PLEKHG5: variants seen among roughly 807,000 people sequenced by gnomAD.
PLEKHG5 encodes the protein pleckstrin homology and RhoGEF domain containing G5.
Under a neutral mutation model 103.8 loss-of-function variants are expected in PLEKHG5, and 52 were observed. The observed-to-expected ratio is 0.50, with a 90% CI of 0.40 to 0.63. The LOEUF (loss-of-function observed/expected upper bound fraction) is 0.63, where lower values mean the gene tolerates loss of function less well. Ranked by LOEUF, PLEKHG5 falls within the 30% of genes least tolerant of loss-of-function variation. PLEKHG5 has a pLI of 0.00. For missense variants in PLEKHG5, 1,205 were observed against 1,347.6 expected (o/e 0.89, Z 1.66); for synonymous variants, 592 against 575.5 (o/e 1.03, Z -0.41).
intron 1 of PLEKHG5, among the ~76,000 whole-genome samples, chr1:6,512,115 G>C (rs3935435): frequency 1.3e-5 from 2 of 152,020 alleles, no homozygotes; most frequent in Non-Finnish European, 2.9e-5. Context: ...CCATCACCCC[G>C]TTTTACAGAG....
chr1:6,471,538 G>A lies in PLEKHG5; in HGVS notation c.1231C>T (p.Arg411Cys), dbSNP rs1271841187. 2 of 1,609,098 alleles carry A rather than the reference G, an allele frequency of 1.2e-6. No individual in the cohort carries two copies. Among genetic ancestry groups the A allele is most frequent in the East Asian group, 2.2e-5 (1 of 44,748 alleles). Residue 411 changes from arginine to cysteine, a missense_variant, in exon 12 of 21, where the codon CGC becomes TGC. Coordinates refer to ENST00000377728, the MANE Select transcript of PLEKHG5 (RefSeq NM_020631.6). ...CCGGGCTGTAGCAGCGCTCGCGTGC[G>A]CCGCGCCTTCTCCAGCACCGGCGCC... ...VMAPVLEKARRTRALLQPGDF... is the reference protein window; with the variant it reads ...VMAPVLEKARCTRALLQPGDF...
upstream of PLEKHG5, chr1:6,497,345 G>A: frequency 1.9e-6 from 2 of 1,037,654 alleles, no homozygotes; most frequent in Non-Finnish European, 2.4e-6. This position sits in a 1 kb window ranked among gnomAD's most constrained non-coding sequence, Gnocchi z 6.1. Flanking sequence ...CGTGCCGCGC[G>A]GGGGGCGGGC....
intron 1 of PLEKHG5, among the ~76,000 whole-genome samples, chr1:6,481,566 T>TAAATAA (rs1557755167): frequency 8.0e-6 from 1 of 125,250 alleles, no homozygotes; most frequent in African/African-American, 3.7e-5. Flanking sequence ...TAAATAAATA[T>TAAATAA]ATAAGTAAAT....
At chr1:6,481,817 T>C (rs971942256) in intron 1 of PLEKHG5, among the ~76,000 whole-genome samples, 4 of 151,192 alleles carry the variant, frequency 2.6e-5, no homozygotes, top group Admixed American at 2.0e-4. Context: ...TGAGCTGAGA[T>C]TGCGCCACTG....
At chr1:6,496,123 C>T (rs142180609), upstream of PLEKHG5, among the ~76,000 whole-genome samples, 1 of 152,330 alleles carries the variant, frequency 6.6e-6, no homozygotes, top group Non-Finnish European at 1.5e-5. Context: ...GGAAGGGTGC[C>T]ATCTGGGCAC....
At chr1:6,470,124 C>T in intron 16 of PLEKHG5, 112 bp downstream of exon 16, 1 of 1,202,848 alleles carries the variant, frequency 8.3e-7, no homozygotes, top group Non-Finnish European at 1.2e-6. Flanking sequence ...ATGACAAGGT[C>T]ACTGGTTCTT....
At chr1:6,471,924 C>CA (rs1644605008) in intron 10 of PLEKHG5, 116 bp from the exon 11 acceptor site, 19 of 1,031,338 alleles carry the variant, frequency 1.8e-5, no homozygotes, top group Non-Finnish European at 2.4e-5. Context: ...GGAGGCCCCA[C>CA]AGCAGCCACG....
rs552279295 is a variant in PLEKHG5, at chr1:6,487,479, C to T, written c.-88+4158G>A. ...GCTTATAGTGAAATCCCACCATGGC[C>T]GGGCTCCCGCCTCCCTCCCAGCTGG... On this transcript the variant is annotated intron_variant, in intron 1 of 20. Coordinates refer to ENST00000377728, the MANE Select transcript of PLEKHG5 (RefSeq NM_020631.6). The surrounding 1 kb of genome is among the most constrained non-coding windows in gnomAD (Gnocchi z 4.1). 9.2e-4 allele frequency among the ~76,000 whole-genome samples: 140 copies of T among 152,280 alleles called. No homozygotes were observed. The highest frequency in any genetic ancestry group is 3.2e-3 in the African/African-American group (133 of 41,550).
At chr1:6,512,286 G>A (rs115830676) in intron 1 of PLEKHG5, among the ~76,000 whole-genome samples, 49 of 152,304 alleles carry the variant, frequency 3.2e-4, no homozygotes, top group African/African-American at 1.1e-3. Flanking sequence ...CAGGCCGAGC[G>A]AGTTGTCCTT....
At chr1:6,484,983 G>A (rs1644991314) in intron 1 of PLEKHG5, among the ~76,000 whole-genome samples, 1 of 152,212 alleles carries the variant, frequency 6.6e-6, no homozygotes, top group African/African-American at 2.4e-5. Context: ...GGTAGGAGGA[G>A]GCTGTGGGCA....
rs572611924 is a variant in PLEKHG5 at position 6,502,314 on chromosome 1, T to C, written c.-164-5745A>G. Among the ~76,000 whole-genome samples, 23 of 152,300 alleles carry C rather than the reference T, an allele frequency of 1.5e-4. 1 individual carries two copies. The highest frequency in any genetic ancestry group is 2.8e-4 in the Non-Finnish European group (19 of 68,004). ...GCGCCATGGGGCACCTTGGGGCAGG[T>C]CAGTGAAGTAGGGACCCAGCTGCAG... On this transcript the variant is annotated intron_variant, in intron 1 of 21. Transcript: ENST00000377740.
chr1:6,480,065 C>A (rs1644862075), intron 1 of PLEKHG5, among the ~76,000 whole-genome samples: 1 of 146,850 alleles, frequency 6.8e-6, no homozygotes, highest in African/African-American at 2.6e-5. Context: ...AATGCTGGAT[C>A]CTCTGGGGAC....
intron 14 of PLEKHG5, 38 bp downstream of exon 14, chr1:6,470,697 G>C: frequency 6.4e-7 from 1 of 1,552,162 alleles, no homozygotes; most frequent in South Asian, 1.2e-5. Flanking sequence ...GCAGAGAGCC[G>C]CGCAGGGGGG....
chr1:6,475,464 C>T lies in PLEKHG5; in HGVS notation c.208G>A (p.Asp70Asn). 5.0e-6 allele frequency: 8 copies of T among 1,613,466 alleles called. No individual in the cohort carries two copies. The highest frequency in any genetic ancestry group is 6.8e-6 in the Non-Finnish European group (8 of 1,179,722). The change falls in exon 4 of 21, where the codon GAT (aspartate) becomes AAT (asparagine). Residue 70 changes from aspartate to asparagine, a missense_variant and splice_region_variant. Physicochemically the swap from Asp to Asn is conservative, Grantham distance 23. Transcript: ENST00000377728. ...SKKKARRRHT[D>N]DPSKECFTLK... ...GCCGGCTCTGGGGGGCTCCTCACAT[C>T]CGTGTGTCTCCTCCTTGCTTTCTTC...
intron 3 of PLEKHG5, 56 bp from the exon 4 acceptor site, chr1:6,475,578 G>A: frequency 6.7e-7 from 1 of 1,496,542 alleles, no homozygotes. Context: ...TCGCCAGCGT[G>A]GGCGGCGAGT....
At position 6,470,658 on chromosome 1, in the gene PLEKHG5, G is replaced by C. The variant is rs1265587985; in HGVS notation, c.1543-15C>G. The C allele has an allele frequency of 1.3e-6, 2 of 1,560,198 alleles. No individual in the cohort carries two copies. Among genetic ancestry groups the C allele is most frequent in the Non-Finnish European group, 8.6e-7 (1 of 1,157,870 alleles). On this transcript the variant is annotated splice_polypyrimidine_tract_variant and intron_variant, in intron 14 of 20. Coordinates refer to ENST00000377728, the MANE Select transcript of PLEKHG5 (RefSeq NM_020631.6). ...ACGGAGCCGATCTAGGGGCAGGTGA[G>C]GGAGCTTCAGGTCCAGGGTCATGAC... is the stretch of plus-strand genomic sequence containing the variant.
chr1:6,470,456 T>G, intron 15 of PLEKHG5, 50 bp downstream of exon 15: 1 of 1,611,362 alleles, frequency 6.2e-7, no homozygotes, highest in Non-Finnish European at 8.5e-7. Context: ...GCCTGCCAGC[T>G]GGGCCTTCCT....
At chr1:6,517,766 A>G (rs1223109352) in intron 1 of PLEKHG5, among the ~76,000 whole-genome samples, 1 of 152,210 alleles carries the variant, frequency 6.6e-6, no homozygotes, top group Non-Finnish European at 1.5e-5. Flanking sequence ...GACGACAAAC[A>G]GAAGGGTCCA....
chr1:6,498,681 C>G (rs762247997), upstream of PLEKHG5, among the ~76,000 whole-genome samples: 2 of 152,140 alleles, frequency 1.3e-5, no homozygotes, highest in Non-Finnish European at 2.9e-5. Flanking sequence ...GGCCTCCAGG[C>G]TGAGAGGGAA....
Sources: allele counts gnomAD v4.1 joint callset (sites outside exome capture counted in the v4.1 genomes callset), GRCh38; gene constraint gnomAD v4.1.1; non-coding constraint Gnocchi (gnomAD v3.1); transcripts MANE v1.5; gene names NCBI Gene and HGNC (gene_info 2026-07-23, HGNC 2026-07-21).